PON1: variants seen among roughly 807,000 people sequenced by gnomAD.
PON1 encodes paraoxonase 1.
Under a neutral mutation model 39.2 loss-of-function variants are expected in PON1, and 37 were observed. The ratio of observed to expected loss-of-function variants is 0.94; its 90% CI spans 0.73 to 1.24. The LOEUF (loss-of-function observed/expected upper bound fraction) is 1.24, where lower values mean the gene tolerates loss of function less well. PON1 is among the 50% of genes most tolerant of loss of function. The pLI is 0.00. For synonymous variants in PON1, 148 were observed against 152.2 expected (o/e 0.97, Z 0.21); for missense variants, 397 against 413.5 (o/e 0.96, Z 0.35).
chr7:95,319,586 C>T (rs1040213220), intron 1 of PON1, among the ~76,000 whole-genome samples: 4 of 152,140 alleles, frequency 2.6e-5, no homozygotes, highest in African/African-American at 9.7e-5. Flanking sequence ...AAGGCTTGGA[C>T]TGTGAGGAGA....
intron 7 of PON1, 68 bp downstream of exon 7, chr7:95,306,217 A>G: frequency 1.5e-6 from 2 of 1,370,406 alleles, no homozygotes; most frequent in Non-Finnish European, 2.1e-6. Context: ...TTTTCTTCAC[A>G]TTTAATTTCA....
At chr7:95,307,833 A>C (rs1807572695) in intron 6 of PON1, among the ~76,000 whole-genome samples, 178 bp downstream of exon 6, 1 of 152,216 alleles carries the variant, frequency 6.6e-6, no homozygotes, top group Admixed American at 6.5e-5. Flanking sequence ...CTTCACAATG[A>C]AATTTTTGAT....
chr7:95,300,675 A>G (rs1411828625), intron 8 of PON1, among the ~76,000 whole-genome samples: 2 of 152,200 alleles, frequency 1.3e-5, no homozygotes, highest in African/African-American at 2.4e-5. Context: ...TTGCAGATCA[A>G]TCATTAGAAA....
chr7:95,318,244 G>C (rs1375295088), intron 2 of PON1, 79 bp downstream of exon 2: 5 of 1,165,542 alleles, frequency 4.3e-6, no homozygotes, highest in Non-Finnish European at 6.4e-6. Context: ...GGACAGAATT[G>C]AACAGGCACA....
At chr7:95,322,350 GTATA>G (rs59115637) in intron 1 of PON1, among the ~76,000 whole-genome samples, 135 of 134,770 alleles carry the variant, frequency 1.0e-3, no homozygotes, top group African/African-American at 3.2e-3. Context: ...GTGTGTGTGT[GTATA>G]TATATATATA....
chr7:95,297,971 A>G lies in PON1; in HGVS notation c.*973T>C, dbSNP rs1807310382. ...ATAAAGTCATGTTTTCTTCCTAGTC[A>G]TGTCTCAGTAGATAGCCAAAGGGGT... On this transcript the variant is annotated 3_prime_UTR_variant, in exon 9 of 9. Transcript: ENST00000222381. The G allele has an allele frequency of 2.0e-5, 3 of 152,108 alleles. No homozygotes were observed. The highest frequency in any genetic ancestry group is 7.2e-5 in the African/African-American group (3 of 41,434). The allele number at this position is 152,108 out of a possible 1,614,324, so 9.4% of individuals were successfully genotyped here.
rs1479144685 is a variant in PON1, at chr7:95,302,297, C to T, written c.817G>A (p.Val273Met). The change falls in exon 8 of 9, where the codon GTG becomes ATG. Residue 273 changes from valine to methionine, a missense_variant. Physicochemically the swap from Val to Met is conservative, Grantham distance 21 (BLOSUM62 1). Transcript: ENST00000222381. ...CAAAGGTCTCCTGTCTCAGGATCCA[C>T]AGATATGTTATCCACGAGGGTATTA... ...DFNTLVDNISVDPETGDLWVG... is the reference protein window; with the variant it reads ...DFNTLVDNISMDPETGDLWVG... 2 of 1,608,032 alleles carry T rather than the reference C, an allele frequency of 1.2e-6. No homozygotes were observed. Among genetic ancestry groups the T allele is most frequent in the South Asian group, 1.1e-5 (1 of 90,926 alleles).
In PON1 at chr7:95,302,097, A is replaced by T. The variant is rs1032132365; in HGVS notation, c.909+108T>A. The T allele has an allele frequency of 3.9e-5, 7 of 178,026 alleles. No individual in the cohort carries two copies. In the African/African-American group the frequency reaches 4.9e-4, roughly 12 times the overall value. 11.0% of individuals were successfully genotyped at this position (178,026 alleles called of 1,614,324 possible). ...GGGCGACAGAGCGATACTCTGTCAC[A>T]AAAAAAAAAAAAAAAAAAAAAAAAC... On this transcript the variant is annotated intron_variant, in intron 8 of 8. Coordinates refer to ENST00000222381, the MANE Select transcript of PON1 (RefSeq NM_000446.7).
intron 5 of PON1, among the ~76,000 whole-genome samples, chr7:95,309,053 A>G (rs1807601925): frequency 6.6e-6 from 1 of 152,190 alleles, no homozygotes; most frequent in South Asian, 2.1e-4. Flanking sequence ...CAGAGGCGTC[A>G]TGGCCAGCGC....
At chr7:95,305,648 G>GT (rs979314828) in intron 7 of PON1, among the ~76,000 whole-genome samples, 1 of 152,130 alleles carries the variant, frequency 6.6e-6, no homozygotes, top group Non-Finnish European at 1.5e-5. Context: ...GAAGATCGAG[G>GT]TGACGTTTTA....
rs773545753 is a variant in PON1 at position 95,315,364 on chromosome 7, A to C, written c.328T>G (p.Ser110Ala). The change falls in exon 4 of 9, where the codon TCT becomes GCT. Residue 110 changes from serine to alanine, a missense_variant. Ser to Ala is a moderately conservative substitution (Grantham distance 99). Transcript: ENST00000222381. The stretch of plus-strand genomic sequence containing the variant: ...CTAATCCCATGAGGGTTAAATGAAG[A>C]TACATCAAATTTACTTCCAGTGATC... Reference protein sequence around the residue: ...LGITGSKFDVSSFNPHGISTF... With the variant: ...LGITGSKFDVASFNPHGISTF... 4 of 1,613,592 alleles carry C rather than the reference A, an allele frequency of 2.5e-6. No individual in the cohort carries two copies. Among genetic ancestry groups the C allele is most frequent in the Non-Finnish European group, 3.4e-6 (4 of 1,179,516 alleles).
chr7:95,303,975 G>A (rs1356224196), intron 7 of PON1, among the ~76,000 whole-genome samples: 2 of 152,026 alleles, frequency 1.3e-5, no homozygotes, highest in Non-Finnish European at 2.9e-5. Flanking sequence ...TATTTCTATC[G>A]TGGTAAAATA....
Position 95,302,240 on chromosome 7 carries a change from A to G in PON1, c.874T>C (p.Phe292Leu). 6.2e-7 allele frequency: 1 copy of G among 1,613,162 alleles called. No individual in the cohort carries two copies. The highest frequency in any genetic ancestry group is 1.3e-5 in the African/African-American group (1 of 75,028). The change falls in exon 8 of 9, where the codon TTC becomes CTC. Residue 292 changes from phenylalanine to leucine, a missense_variant. Coordinates refer to ENST00000222381, the MANE Select transcript of PON1 (RefSeq NM_000446.7). ...GGAGGATTCTCTGAGTCATAGAAGA[A>G]GATTTTCATGCCATTGGGATGGCAT... ...VGCHPNGMKI[F>L]FYDSENPPAS... is the part of the protein sequence containing the mutation.
At position 95,298,518 on chromosome 7, in the gene PON1, G is replaced by A. The variant is rs992803819; in HGVS notation, c.*426C>T. 3 of 288,856 alleles carry A rather than the reference G, an allele frequency of 1.0e-5. No homozygotes were observed. Among genetic ancestry groups the A allele is most frequent in the Admixed American group, 4.5e-5 (1 of 22,108 alleles). 17.9% of individuals were successfully genotyped at this position (288,856 alleles called of 1,614,324 possible). A position where few individuals can be genotyped will look rare whatever the true frequency, so the allele number is the denominator to read the frequency against. Reference sequence around the variant, plus strand: ...CTGGCCTGTGAACTGGAGTCCCTGGGTGAGTACTGGAGTTCTAAAGACACG... The same window carrying A: ...CTGGCCTGTGAACTGGAGTCCCTGGATGAGTACTGGAGTTCTAAAGACACG... On this transcript the variant is annotated 3_prime_UTR_variant, in exon 9 of 9. Transcript: ENST00000222381.
intron 1 of PON1, among the ~76,000 whole-genome samples, chr7:95,322,975 G>A (rs1807932205): frequency 6.6e-6 from 1 of 152,132 alleles, no homozygotes; most frequent in African/African-American, 2.4e-5. Context: ...CATCTATCCT[G>A]GGGATTTGGC....
intron 7 of PON1, among the ~76,000 whole-genome samples, chr7:95,303,694 T>C (rs867672749): frequency 6.6e-6 from 1 of 152,280 alleles, no homozygotes; most frequent in Admixed American, 6.5e-5. Flanking sequence ...CTGTTCTGAG[T>C]CCAGCAATGA....
chr7:95,316,813 T>A, intron 2 of PON1, 24 bp from the exon 3 acceptor site: 2 of 1,592,714 alleles, frequency 1.3e-6, no homozygotes, highest in Non-Finnish European at 8.6e-7. Context: ...GAACAGAAAG[T>A]ACAGGTTGTT....
intron 8 of PON1, among the ~76,000 whole-genome samples, chr7:95,299,993 T>A (rs542274237): frequency 6.6e-5 from 10 of 151,804 alleles, no homozygotes; most frequent in Non-Finnish European, 1.3e-4. Context: ...AGAAAAAAAA[T>A]GTGGCCCTCA....
At chr7:95,315,623 C>T in intron 3 of PON1, 133 bp from the exon 4 acceptor site, 1 of 920,658 alleles carries the variant, frequency 1.1e-6, no homozygotes, top group South Asian at 1.4e-5. Context: ...CATAGGAAGC[C>T]TCTTAGTTAG....
Sources: gnomAD v4.1 joint callset for allele counts (sites outside exome capture counted in the v4.1 genomes callset) on GRCh38, gnomAD v4.1.1 for gene constraint, MANE v1.5 for transcripts, NCBI Gene and HGNC (gene_info 2026-07-23, HGNC 2026-07-21) for gene names.